The following ALPK1 variants were observed in gnomAD, a reference collection of about 807,000 sequenced individuals.
ALPK1 encodes alpha kinase 1.
ALPK1 carries 110 observed loss-of-function variants against 120.6 expected under a neutral mutation model. That is an observed-to-expected ratio of 0.91 (90% CI 0.78 to 1.07). The LOEUF is 1.07. Among genes scored for constraint, ALPK1 ranks in the 50% least tolerant of loss-of-function variants. ALPK1 has a pLI of 0.00. For missense variants in ALPK1, 1,498 were observed against 1,483.9 expected (o/e 1.01, Z -0.16); for synonymous variants, 582 against 560.3 (o/e 1.04, Z -0.55).
intron 2 of ALPK1, chr4:112,356,032 C>T (rs1434674819): frequency 5.6e-6 from 4 of 719,108 alleles, no homozygotes; most frequent in African/African-American, 5.2e-5. Context: ...CATCACTTAC[C>T]AAGAGCGGCT....
intron 15 of ALPK1, 44 bp downstream of exon 15, chr4:112,441,149 T>C (rs745911100): frequency 6.2e-7 from 1 of 1,613,908 alleles, no homozygotes; most frequent in Admixed American, 1.7e-5. Context: ...CAGACCTTAG[T>C]GATGCTCTCA....
chr4:112,440,952 C>T lies in ALPK1; in HGVS notation c.3574C>T (p.Leu1192Phe). 6.2e-7 allele frequency: 1 copy of T among 1,613,624 alleles called. No homozygotes were observed. Among genetic ancestry groups the T allele is most frequent in the Non-Finnish European group, 8.5e-7 (1 of 1,179,780 alleles). ...VTGNGKGLIY[L>F]TDPQIHSVDQ... is the part of the protein sequence containing the mutation. ...CGGTAATGGAAAAGGACTCATCTACCTCACAGATCCCCAGATTCACTCCGT... is the reference window on the plus strand; with the variant it reads ...CGGTAATGGAAAAGGACTCATCTACTTCACAGATCCCCAGATTCACTCCGT... The change falls in exon 15 of 16, where the codon CTC (leucine) becomes TTC (phenylalanine). Residue 1192 changes from leucine (L) to phenylalanine (F), a missense_variant. By Grantham distance (22) the Leu-to-Phe change is conservative. Transcript: ENST00000650871.
At chr4:112,435,631 G>A (rs1264486393) in intron 12 of ALPK1, among the ~76,000 whole-genome samples, 1 of 77,196 alleles carries the variant, frequency 1.3e-5, no homozygotes, top group East Asian at 4.0e-4. Flanking sequence ...AAAAATGCTG[G>A]CAAAAAAAGG....
At chr4:112,326,540 A>G (rs560213053) in intron 2 of ALPK1, among the ~76,000 whole-genome samples, 3 of 152,286 alleles carry the variant, frequency 2.0e-5, no homozygotes, top group African/African-American at 7.2e-5. Flanking sequence ...GAGAGAAAGA[A>G]AGGGAGGCAG....
chr4:112,323,777 T>A (rs1446265976), intron 2 of ALPK1, among the ~76,000 whole-genome samples: 1 of 152,216 alleles, frequency 6.6e-6, no homozygotes, highest in Admixed American at 6.5e-5. Context: ...TCTACGCTCC[T>A]TATAAGCTAA....
chr4:112,311,465 A>G (rs927216333), intron 1 of ALPK1, among the ~76,000 whole-genome samples: 2 of 152,168 alleles, frequency 1.3e-5, no homozygotes, highest in African/African-American at 4.8e-5. Flanking sequence ...CCTCCTTGCT[A>G]TGCTAGGCTG....
chr4:112,426,801 G>C (rs1209045365), intron 8 of ALPK1, among the ~76,000 whole-genome samples: 1 of 151,982 alleles, frequency 6.6e-6, no homozygotes, highest in Non-Finnish European at 1.5e-5. Flanking sequence ...ATCTCTACTG[G>C]TCCATTCATT....
intron 4 of ALPK1, among the ~76,000 whole-genome samples, chr4:112,390,600 T>G (rs1732369723): frequency 6.6e-6 from 1 of 152,110 alleles, no homozygotes; most frequent in African/African-American, 2.4e-5. Flanking sequence ...GGATGGATGA[T>G]GGATGGATGG....
At chr4:112,375,997 G>C (rs1731643256) in intron 2 of ALPK1, among the ~76,000 whole-genome samples, 1 of 152,136 alleles carries the variant, frequency 6.6e-6, no homozygotes, top group African/African-American at 2.4e-5. Flanking sequence ...AAGATAGTAA[G>C]AAATGACTGG....
intron 1 of ALPK1, among the ~76,000 whole-genome samples, chr4:112,309,181 G>T (rs1219829523): frequency 3.3e-5 from 5 of 152,120 alleles, no homozygotes; most frequent in Admixed American, 6.5e-5. Flanking sequence ...TCCCAGTTAG[G>T]CTACTTGGGG....
In ALPK1 at chr4:112,431,628, C is replaced by G. The variant is rs1430509700; in HGVS notation, c.2081C>G (p.Ala694Gly). ...LAPGAGLLEG[A>G]PEGIQEVRNM... ...CCTGGTGCAGGGCTTCTAGAAGGAG[C>G]TCCAGAAGGTATCCAGGAAGTCAGA... is the stretch of plus-strand genomic sequence containing the variant. Residue 694 changes from alanine (A) to glycine (G), a missense_variant, in exon 11 of 16, where the codon GCT (alanine) becomes GGT (glycine). Coordinates refer to ENST00000650871, the MANE Select transcript of ALPK1 (RefSeq NM_025144.4). 1 of 1,614,126 alleles carries G rather than the reference C, an allele frequency of 6.2e-7. No individual in the cohort carries two copies. Among genetic ancestry groups the G allele is most frequent in the African/African-American group, 1.3e-5 (1 of 75,022 alleles).
intron 2 of ALPK1, among the ~76,000 whole-genome samples, chr4:112,352,008 A>G (rs1730382628): frequency 6.6e-6 from 1 of 152,220 alleles, no homozygotes; most frequent in East Asian, 1.9e-4. Context: ...TCCAAATCCT[A>G]TTCCCTCTAG....
chr4:112,379,474 C>G (rs976069587), intron 3 of ALPK1, among the ~76,000 whole-genome samples: 1 of 152,238 alleles, frequency 6.6e-6, no homozygotes, highest in African/African-American at 2.4e-5. Context: ...AGCATCAGCC[C>G]CAGCCCAAGG....
chr4:112,433,718 G>C (rs1003745851), intron 11 of ALPK1, among the ~76,000 whole-genome samples: 2 of 152,072 alleles, frequency 1.3e-5, no homozygotes, highest in Non-Finnish European at 2.9e-5. Context: ...AAAATGATTT[G>C]AATGATTAAA....
chr4:112,342,614 C>T (rs899638071), intron 2 of ALPK1, among the ~76,000 whole-genome samples: 1 of 152,140 alleles, frequency 6.6e-6, no homozygotes, highest in African/African-American at 2.4e-5. Context: ...TTTTCAAAAG[C>T]TAGTATAACA....
rs11944513 is a variant in ALPK1 at position 112,429,259 on chromosome 4, C to T, written c.900+6C>T. 421,453 of 1,605,272 alleles carry T rather than the reference C, an allele frequency of 0.26. 56,953 individuals are homozygous for T. Among genetic ancestry groups the T allele is most frequent in the Non-Finnish European group, 0.27 (320,871 of 1,176,066 alleles). On this transcript the variant is annotated splice_donor_region_variant and intron_variant, in intron 10 of 15. Transcript: ENST00000650871. ...TCTTCGTGCTCACAGCTGTGGTAAA[C>T]GAATGCAGCCGCTCCTCAAACCCCC...
intron 2 of ALPK1, chr4:112,316,153 A>G (rs1453508228): frequency 1.3e-5 from 2 of 152,172 alleles, no homozygotes; most frequent in Non-Finnish European, 2.9e-5. Flanking sequence ...ACTCTTTTTT[A>G]TCTCACAAAT....
chr4:112,402,702 T>A (rs561307158), intron 4 of ALPK1, among the ~76,000 whole-genome samples: 2 of 152,348 alleles, frequency 1.3e-5, no homozygotes, highest in South Asian at 4.1e-4. Context: ...TATCCACATA[T>A]TTTTATGTAA....
chr4:112,304,064 A>G (rs1727912063), intron 1 of ALPK1, among the ~76,000 whole-genome samples: 3 of 152,150 alleles, frequency 2.0e-5, no homozygotes. Flanking sequence ...CCAGGTCCCT[A>G]TAAAGGACAT....
Sources: allele counts gnomAD v4.1 joint callset (sites outside exome capture counted in the v4.1 genomes callset), GRCh38; gene constraint gnomAD v4.1.1; transcripts MANE v1.5; gene names NCBI Gene and HGNC (gene_info 2026-07-23, HGNC 2026-07-21).